The following DRC4 variants were observed in gnomAD, a reference collection of about 807,000 sequenced individuals.
DRC4 encodes GAS-11.
chr16:90,028,803 A>C, the DRC4 span: 45 of 661,860 alleles, frequency 6.8e-5, 1 homozygote, highest in South Asian at 6.0e-4. Context: ...TGTTATTGTT[A>C]ATAAATCTTA....
At chr16:90,021,025 T>C in the DRC4 span, 1 of 152,404 alleles carries the variant, frequency 6.6e-6, no homozygotes, top group Non-Finnish European at 1.5e-5. Context: ...GGCACAGTGA[T>C]GCTGGCTCCT....
chr16:90,031,340 C>CGGGAGGAGCTGGACCGT, the DRC4 span: 2 of 1,613,242 alleles, frequency 1.2e-6, no homozygotes, highest in East Asian at 2.2e-5. Flanking sequence ...AGCTGGACCG[C>CGGGAGGAGCTGGACCGT]GAGCGGGAGG....
chr16:90,022,568 C>G, the DRC4 span: 7 of 803,172 alleles, frequency 8.7e-6, no homozygotes, highest in Non-Finnish European at 1.2e-5. Context: ...TCTAGGGACG[C>G]ACTCCCGCCT....
At chr16:90,038,564 G>A in the DRC4 span, among the ~76,000 whole-genome samples, 8 of 152,328 alleles carry the variant, frequency 5.3e-5, no homozygotes, top group East Asian at 9.6e-4. Flanking sequence ...AGGAAAGCCA[G>A]TTCCTAGCAG....
the DRC4 span, chr16:90,044,947 T>C: frequency 5.1e-6 from 1 of 194,756 alleles, no homozygotes; most frequent in African/African-American, 2.4e-5. Context: ...ACTTATAAAG[T>C]GGATTATACT....
the DRC4 span, chr16:90,022,605 C>A: frequency 2.5e-6 from 3 of 1,202,856 alleles, no homozygotes; most frequent in South Asian, 1.9e-5. Flanking sequence ...CCGGCGGAGT[C>A]TCGCGAGGAT....
chr16:90,020,069 T>C, the DRC4 span: 1 of 672,026 alleles, frequency 1.5e-6, no homozygotes. Flanking sequence ...GCTCCTGGCC[T>C]GGGCCACTGC....
At chr16:90,025,118 G>T in the DRC4 span, among the ~76,000 whole-genome samples, 1 of 150,362 alleles carries the variant, frequency 6.7e-6, no homozygotes, top group Admixed American at 6.6e-5. Context: ...CTGGGTTCAA[G>T]CGATTCTCCT....
chr16:90,030,411 G>A, the DRC4 span, among the ~76,000 whole-genome samples: 2 of 151,904 alleles, frequency 1.3e-5, no homozygotes, highest in Non-Finnish European at 2.9e-5. Context: ...TGTGATCACG[G>A]CTCACGGCAG....
the DRC4 span, among the ~76,000 whole-genome samples, chr16:90,027,366 G>C: frequency 6.6e-6 from 1 of 152,186 alleles, no homozygotes; most frequent in African/African-American, 2.4e-5. Context: ...GGGATTACAG[G>C]CGTGAGCCAC....
At chr16:90,031,217 C>G in the DRC4 span, 2 of 1,592,340 alleles carry the variant, frequency 1.3e-6, no homozygotes, top group African/African-American at 1.3e-5. Context: ...CTCTTTCTTC[C>G]TTGCCTTTCG....
the DRC4 span, chr16:90,042,306 C>A: frequency 1.5e-6 from 1 of 675,776 alleles, no homozygotes; most frequent in Non-Finnish European, 2.7e-6. Context: ...TCTCTCCACC[C>A]TTGGAGACCT....
the DRC4 span, among the ~76,000 whole-genome samples, chr16:90,034,080 T>C: frequency 1.3e-5 from 2 of 152,052 alleles, no homozygotes; most frequent in African/African-American, 4.8e-5. Flanking sequence ...CTCTGAGAAC[T>C]TGGGCAGAGG....
chr16:90,039,737 A>G, the DRC4 span: 1 of 165,070 alleles, frequency 6.1e-6, no homozygotes, highest in Admixed American at 5.5e-5. Flanking sequence ...TTTTTTTAGA[A>G]TGCACAATTA....
the DRC4 span, chr16:90,031,214 T>C: frequency 6.3e-7 from 1 of 1,589,980 alleles, no homozygotes; most frequent in Non-Finnish European, 8.5e-7. Flanking sequence ...TCCCTCTTTC[T>C]TCCTTGCCTT....
At chr16:90,040,201 C>T in the DRC4 span, 17 of 1,158,246 alleles carry the variant, frequency 1.5e-5, no homozygotes, top group African/African-American at 6.1e-5. Context: ...TGGGAGGCAG[C>T]GTGTTCCAGG....
chr16:90,034,600 C>T, the DRC4 span, among the ~76,000 whole-genome samples: 1 of 151,710 alleles, frequency 6.6e-6, no homozygotes, highest in African/African-American at 2.4e-5. Flanking sequence ...CCAGCCTGGG[C>T]GACAGTGTGA....
chr16:90,022,574 C>A, the DRC4 span: 8 of 923,404 alleles, frequency 8.7e-6, no homozygotes, highest in Non-Finnish European at 1.2e-5. Flanking sequence ...GACGCACTCC[C>A]GCCTTTGGCA....
the DRC4 span, among the ~76,000 whole-genome samples, chr16:90,020,402 G>C: frequency 1.3e-5 from 2 of 152,208 alleles, no homozygotes; most frequent in Non-Finnish European, 2.9e-5. Flanking sequence ...TGATGCCGTG[G>C]CCTGAGGCGG....
Sources: allele counts gnomAD v4.1 joint callset (sites outside exome capture counted in the v4.1 genomes callset), GRCh38; gene constraint gnomAD v4.1.1; transcripts MANE v1.5; gene names NCBI Gene and HGNC (gene_info 2026-07-23, HGNC 2026-07-21).